WIPF3: variants seen among roughly 807,000 people sequenced by gnomAD.
WIPF3 encodes WAS/WASL-interacting protein family member 3.
A neutral mutation model predicts 38.9 loss-of-function variants in WIPF3; 33 were observed. The ratio of observed to expected loss-of-function variants is 0.85; its 90% confidence interval spans 0.64 to 1.14. The LOEUF is 1.14. Among genes scored for constraint, WIPF3 ranks in the 50% most tolerant of loss-of-function variants. The pLI is 0.00. For synonymous variants in WIPF3, 324 were observed against 269.3 expected, an observed-to-expected ratio of 1.20 and a Z score of -1.99; for missense variants, 711 against 652.5, an observed-to-expected ratio of 1.09 and a Z score of -0.98.
At chr7:29,907,993 G>C (rs1168864379) in intron 8 of WIPF3, among the ~76,000 whole-genome samples, 1 of 152,182 alleles carries the variant, frequency 6.6e-6, no homozygotes, top group African/African-American at 2.4e-5. Context: ...AAATGACAGA[G>C]TAAATCCCTC....
At chr7:29,859,071 T>C (rs1056426934) in intron 2 of WIPF3, among the ~76,000 whole-genome samples, 3 of 152,204 alleles carry the variant, frequency 2.0e-5, no homozygotes, top group African/African-American at 7.2e-5. Context: ...ATGTCTGCAG[T>C]TGGCACTTCT....
At position 29,889,327 on chromosome 7, in the gene WIPF3, C is replaced by T. The variant is rs76617740; in HGVS notation, c.1271C>T (p.Thr424Met). 367 of 1,613,894 alleles carry T rather than the reference C, an allele frequency of 2.3e-4. 1 individual carries two copies. The African/African-American group carries it at 4.2e-3, about 19-fold the overall frequency. Residue 424 changes from threonine (T) to methionine (M), a missense_variant, in exon 7 of 9, where the codon ACG (threonine) becomes ATG (methionine). Thr to Met is a moderately conservative substitution (Grantham distance 81). Coordinates refer to ENST00000242140, the MANE Select transcript of WIPF3 (RefSeq NM_001080529.3). ...GCAGATGACTTCGAGTCTAAATTCA[C>T]GTTCCATTCTGTGGAAGACTTTCCC... ...HIIDDFESKF[T>M]FHSVEDFPPP...
In WIPF3 at chr7:29,884,031, A is replaced by AC. The variant is rs1345800878; in HGVS notation, c.542dup (p.Pro182SerfsTer63). ...TGCCTGCCCCGCCCCCTCCCACCCC[A>AC]CCCCCTCCGCCTCCACCCTTACCCC... On this transcript the variant is annotated frameshift_variant, in exon 5 of 9. Transcript: ENST00000242140. LOFTEE classifies it high-confidence loss of function. 1.2e-5 allele frequency: 6 copies of AC among 503,982 alleles called. No individual in the cohort carries two copies. Among genetic ancestry groups the AC allele is most frequent in the Non-Finnish European group, 1.5e-5 (6 of 412,080 alleles). 31.2% of individuals were successfully genotyped at this position (503,982 alleles called of 1,614,324 possible). A position where few individuals can be genotyped will look rare whatever the true frequency, so the allele number is the denominator to read the frequency against.
intron 1 of WIPF3, among the ~76,000 whole-genome samples, chr7:29,819,971 G>C (rs532807569): frequency 1.3e-5 from 2 of 152,040 alleles, no homozygotes; most frequent in South Asian, 4.1e-4. Context: ...ACTTTAATAT[G>C]TGTCTTCTAT....
chr7:29,818,810 C>T (rs1392519552), intron 1 of WIPF3, among the ~76,000 whole-genome samples: 1 of 152,060 alleles, frequency 6.6e-6, no homozygotes, highest in East Asian at 1.9e-4. Flanking sequence ...TAGTCTTTCT[C>T]CATTTGCCAT....
At chr7:29,836,474 G>T (rs1238884478) in intron 2 of WIPF3, among the ~76,000 whole-genome samples, 4 of 152,162 alleles carry the variant, frequency 2.6e-5, no homozygotes, top group Non-Finnish European at 5.9e-5. Flanking sequence ...CAGTAAATGT[G>T]TATGTATCAT....
chr7:29,849,064 T>G (rs2107895), intron 2 of WIPF3, among the ~76,000 whole-genome samples: 3,786 of 152,204 alleles, frequency 0.025, 134 homozygotes, highest in African/African-American at 0.078. Context: ...AAATAAAAGT[T>G]CATAAGTCAT....
Position 29,823,430 on chromosome 7 carries a change from A to G in WIPF3, c.-57-11238A>G, listed in dbSNP as rs1386212246. 6.6e-6 allele frequency among the ~76,000 whole-genome samples: 1 copy of G among 152,218 alleles called. No homozygotes were observed. The highest frequency in any genetic ancestry group is 1.5e-5 in the Non-Finnish European group (1 of 68,024). On this transcript the variant is annotated intron_variant, in intron 1 of 8. Coordinates refer to ENST00000242140, the MANE Select transcript of WIPF3 (RefSeq NM_001080529.3). This position sits in a 1 kb window ranked among gnomAD's most constrained non-coding sequence, Gnocchi z 4.0. ...TCTACCATTGGACAGAAACTTTGAC[A>G]GTTCTCTTCCCTTTTCTAGTTTGCA...
chr7:29,863,190 T>TC (rs2128070943), intron 2 of WIPF3, among the ~76,000 whole-genome samples: 1 of 152,296 alleles, frequency 6.6e-6, no homozygotes, highest in Non-Finnish European at 1.5e-5. Context: ...TGCAATTCCA[T>TC]CACCCCTAAA....
intron 6 of WIPF3, among the ~76,000 whole-genome samples, chr7:29,888,488 T>C (rs62457634): frequency 0.54 from 73,844 of 137,522 alleles, 19,241 homozygotes; most frequent in East Asian, 0.78. Context: ...TGTGTGAGTG[T>C]GTGTGCGTGT....
At chr7:29,815,551 A>G (rs1334664269) in intron 1 of WIPF3, among the ~76,000 whole-genome samples, 1 of 152,182 alleles carries the variant, frequency 6.6e-6, no homozygotes, top group Non-Finnish European at 1.5e-5. Flanking sequence ...AAGACGAGCC[A>G]AGATACCTGT....
intron 1 of WIPF3, among the ~76,000 whole-genome samples, chr7:29,829,745 G>A (rs1017006379): frequency 1.3e-5 from 2 of 152,194 alleles, no homozygotes; most frequent in African/African-American, 4.8e-5. Context: ...AGGTGGAAGC[G>A]GAACCTGGGG....
At chr7:29,882,686 C>G (rs1412527170) in intron 4 of WIPF3, among the ~76,000 whole-genome samples, 2 of 152,130 alleles carry the variant, frequency 1.3e-5, no homozygotes, top group Non-Finnish European at 2.9e-5. Flanking sequence ...ATCTCAGAAC[C>G]CCCAACAGAT....
At chr7:29,914,426 G>A in intron 8 of WIPF3, 67 bp from the exon 9 acceptor site, 4 of 1,311,794 alleles carry the variant, frequency 3.0e-6, no homozygotes, top group South Asian at 1.8e-5. Flanking sequence ...GGGGGGTGGA[G>A]GAGGAAGGCT....
intron 2 of WIPF3, among the ~76,000 whole-genome samples, chr7:29,861,569 A>G (rs1785276987): frequency 6.6e-6 from 1 of 152,044 alleles, no homozygotes; most frequent in African/African-American, 2.4e-5. Flanking sequence ...TTATTTATTT[A>G]TTAATATATT....
At chr7:29,876,998 A>G (rs1017397574) in intron 3 of WIPF3, among the ~76,000 whole-genome samples, 1 of 152,176 alleles carries the variant, frequency 6.6e-6, no homozygotes, top group Non-Finnish European at 1.5e-5. Flanking sequence ...TCTTTAGTAC[A>G]GATCGAGCAT....
intron 5 of WIPF3, among the ~76,000 whole-genome samples, chr7:29,886,553 C>A (rs1224404323): frequency 6.6e-6 from 1 of 151,784 alleles, no homozygotes; most frequent in Non-Finnish European, 1.5e-5. Flanking sequence ...GACAGGGTTT[C>A]CCCATGTTGG....
At chr7:29,835,130 G>A (rs1420123653) in intron 2 of WIPF3, among the ~76,000 whole-genome samples, 1 of 151,898 alleles carries the variant, frequency 6.6e-6, no homozygotes, top group Non-Finnish European at 1.5e-5. Flanking sequence ...GAAACCTCAC[G>A]CAATGGGCCA....
intron 2 of WIPF3, among the ~76,000 whole-genome samples, chr7:29,869,769 T>A (rs1451741075): frequency 6.6e-6 from 1 of 152,236 alleles, no homozygotes; most frequent in East Asian, 1.9e-4. Context: ...AAATTCTCAT[T>A]GTTGCTAAAA....
Sources: allele counts gnomAD v4.1 joint callset (sites outside exome capture counted in the v4.1 genomes callset), GRCh38; gene constraint gnomAD v4.1.1; non-coding constraint Gnocchi (gnomAD v3.1); transcripts MANE v1.5; gene names NCBI Gene and HGNC (gene_info 2026-07-23, HGNC 2026-07-21).